Variants in TRIP12 observed in about 807,000 individuals in gnomAD.
TRIP12 encodes the protein thyroid hormone receptor interactor 12, also known as E3 ubiquitin-protein ligase TRIP12.
A neutral mutation model predicts 244.2 loss-of-function variants in TRIP12; 25 were observed. That is an observed-to-expected ratio of 0.10 (90% CI 0.07 to 0.14). TRIP12 has a LOEUF of 0.14. TRIP12 is among the 10% of genes least tolerant of loss of function. The pLI, the probability that TRIP12 is intolerant of heterozygous loss-of-function variation, is 1.00. For synonymous variants in TRIP12, 905 were observed against 873.1 expected, an observed-to-expected ratio of 1.04 and a Z score of -0.64; for missense variants, 1,677 against 2,486.4, an observed-to-expected ratio of 0.67 and a Z score of 6.92.
chr2:229,900,561 C>T (rs2154369222), intron 1 of TRIP12, among the ~76,000 whole-genome samples: 1 of 152,192 alleles, frequency 6.6e-6, no homozygotes, highest in East Asian at 1.9e-4. Context: ...TAAAATTTAA[C>T]CTAAAAGTTA....
At chr2:229,826,811 A>T (rs1032132706) in intron 8 of TRIP12, among the ~76,000 whole-genome samples, 21 of 152,204 alleles carry the variant, frequency 1.4e-4, no homozygotes, top group Admixed American at 2.0e-4. Flanking sequence ...ATAAAAGATT[A>T]AAAAATGGTA....
chr2:229,835,985 T>C (rs2054708656), intron 6 of TRIP12, among the ~76,000 whole-genome samples: 1 of 152,168 alleles, frequency 6.6e-6, no homozygotes, highest in Admixed American at 6.5e-5. Context: ...GAAAGTGTAG[T>C]GCTTAAAAGA....
At position 229,777,462 on chromosome 2, in the gene TRIP12, G is replaced by C. The variant is rs746485884; in HGVS notation, c.5382C>G (p.Gly1794=). The part of the protein sequence containing the change: ...MDFRLVDLPL[G]LPFYKWMLRQ... ...GTAGCATCCATTTATAAAAGGGTAA[G>C]CCAAGGGGAAGGTCCACCTGAAATG... Residue 1794 remains glycine, a synonymous_variant, in exon 37 of 42, where the codon GGC becomes GGG. Transcript: ENST00000675903. 1.2e-6 allele frequency: 2 copies of C among 1,613,834 alleles called. No individual in the cohort carries two copies. The highest frequency in any genetic ancestry group is 1.7e-6 in the Non-Finnish European group (2 of 1,179,766).
intron 2 of TRIP12, among the ~76,000 whole-genome samples, chr2:229,864,004 A>G (rs519376): frequency 0.065 from 5,283 of 80,784 alleles, 150 homozygotes; most frequent in Non-Finnish European, 0.079. Context: ...ATTTGGGTGA[A>G]AGAGAGAGAG....
Position 229,901,459 on chromosome 2 carries a change from C to A in TRIP12, c.-50+20421G>T, listed in dbSNP as rs553028599. ...AATATGGTGAAACCCCCCTCCTCTA[C>A]TAAAAACACAAAAATTAGCCAGGTG... is the stretch of plus-strand genomic sequence containing the variant. On this transcript the variant is annotated intron_variant, in intron 1 of 41. Transcript: ENST00000675903. Among the ~76,000 whole-genome samples, 34 of 151,376 alleles carry A rather than the reference C, an allele frequency of 2.2e-4. No individual in the cohort carries two copies. The South Asian group carries it at 4.4e-3, about 20-fold the overall frequency.
At chr2:229,813,599 C>T (rs1046507299) in intron 13 of TRIP12, among the ~76,000 whole-genome samples, 2 of 151,910 alleles carry the variant, frequency 1.3e-5, no homozygotes, top group African/African-American at 4.8e-5. Context: ...GCCTGGCCAA[C>T]ATAGCAAAAC....
At chr2:229,825,971 T>C (rs2051448078) in intron 8 of TRIP12, among the ~76,000 whole-genome samples, 1 of 152,174 alleles carries the variant, frequency 6.6e-6, no homozygotes, top group Non-Finnish European at 1.5e-5. Flanking sequence ...CTTACAATTA[T>C]ACTTAAAAAC....
chr2:229,771,006 G>A (rs761117388), intron 39 of TRIP12, among the ~76,000 whole-genome samples: 4 of 152,222 alleles, frequency 2.6e-5, no homozygotes, highest in East Asian at 3.9e-4. Context: ...TAATACAGGC[G>A]GCTAGAGAAA....
intron 1 of TRIP12, among the ~76,000 whole-genome samples, chr2:229,904,194 G>GT (rs1389505729): frequency 2.0e-5 from 3 of 152,114 alleles, no homozygotes; most frequent in African/African-American, 7.2e-5. Flanking sequence ...AAGGAGGATG[G>GT]ATCACCTGAG....
chr2:229,881,356 G>A (rs1267966313), intron 1 of TRIP12, among the ~76,000 whole-genome samples: 1 of 152,126 alleles, frequency 6.6e-6, no homozygotes, highest in Admixed American at 6.5e-5. Context: ...TTTTTTGTAA[G>A]CCTGCAGTCA....
intron 1 of TRIP12, among the ~76,000 whole-genome samples, chr2:229,906,368 C>A (rs1446004186): frequency 6.7e-6 from 1 of 149,434 alleles, no homozygotes; most frequent in Admixed American, 6.7e-5. Context: ...CTTTCTTCAT[C>A]AGGTTTTACA....
intron 20 of TRIP12, among the ~76,000 whole-genome samples, chr2:229,803,311 ACC>A (rs1421399491): frequency 1.3e-5 from 2 of 152,256 alleles, no homozygotes; most frequent in Non-Finnish European, 2.9e-5. Context: ...ACTGGGTTTC[ACC>A]ATGTTGGCCA....
intron 4 of TRIP12, among the ~76,000 whole-genome samples, chr2:229,853,679 AATACATAC>A (rs59794043): frequency 0.26 from 39,669 of 151,394 alleles, 5,749 homozygotes; most frequent in East Asian, 0.4. Flanking sequence ...AAATAAATAA[AATACATAC>A]ATACATACAT....
chr2:229,859,140 A>G lies in TRIP12; in HGVS notation c.659T>C (p.Leu220Pro). ...GGCTGAGGTGGCTGATTTTGAAGCCAGCTTGGTAGGTTTCGCAGATCTCTC... is the reference window on the plus strand; with the variant it reads ...GGCTGAGGTGGCTGATTTTGAAGCCGGCTTGGTAGGTTTCGCAGATCTCTC... Reference protein sequence around the residue: ...AEERSAKPTKLASKSATSAKA... With the variant: ...AEERSAKPTKPASKSATSAKA... Residue 220 changes from leucine (L) to proline (P), a missense_variant, in exon 4 of 42, where the codon CTG becomes CCG. By Grantham distance (98) the Leu-to-Pro change is moderately conservative. Around this residue, in one of 11 missense-constraint regions of TRIP12, gnomAD observed 387 missense variants for 392.6 expected, o/e 0.99. Transcript: ENST00000675903. 6.2e-7 allele frequency: 1 copy of G among 1,614,198 alleles called. No homozygotes were observed. Among genetic ancestry groups the G allele is most frequent in the Non-Finnish European group, 8.5e-7 (1 of 1,180,032 alleles).
At chr2:229,860,827 T>C (rs1435334574) in intron 2 of TRIP12, among the ~76,000 whole-genome samples, 2 of 152,216 alleles carry the variant, frequency 1.3e-5, no homozygotes, top group Non-Finnish European at 2.9e-5. Flanking sequence ...TCAGCAATTT[T>C]AGTGCAGATA....
intron 1 of TRIP12, among the ~76,000 whole-genome samples, chr2:229,902,587 C>T (rs530794840): frequency 1.1e-4 from 16 of 152,298 alleles, no homozygotes; most frequent in Admixed American, 9.8e-4. Flanking sequence ...TGCTAATAAA[C>T]ATATTACTGA....
intron 2 of TRIP12, among the ~76,000 whole-genome samples, chr2:229,878,180 G>A (rs570856221): frequency 8.5e-5 from 13 of 152,060 alleles, no homozygotes; most frequent in Non-Finnish European, 1.5e-4. Flanking sequence ...GGCTGGGCGC[G>A]GTGGCTAACA....
chr2:229,781,848 C>T (rs2154249521), intron 34 of TRIP12, among the ~76,000 whole-genome samples: 1 of 152,276 alleles, frequency 6.6e-6, no homozygotes, highest in East Asian at 1.9e-4. Flanking sequence ...GGTGGAGGTA[C>T]TTTCCCCTTC....
intron 2 of TRIP12, among the ~76,000 whole-genome samples, chr2:229,874,686 A>G (rs1024265260): frequency 5.9e-5 from 9 of 152,200 alleles, no homozygotes; most frequent in African/African-American, 1.9e-4. Context: ...AAAAAAACAA[A>G]AAGAAGCTAC....
Sources: allele counts gnomAD v4.1 joint callset (sites outside exome capture counted in the v4.1 genomes callset), GRCh38; gene constraint gnomAD v4.1.1; regional missense constraint gnomAD v4.1.1; transcripts MANE v1.5; gene names NCBI Gene and HGNC (gene_info 2026-07-23, HGNC 2026-07-21).